The following OPA3 variants were observed in gnomAD, a reference collection of about 807,000 sequenced individuals.
OPA3 encodes the protein optic atrophy 3 protein.
In OPA3, 6 loss-of-function variants were observed where a neutral mutation model predicts 4.0. The observed-to-expected ratio is 1.51, with a 90% CI of 0.83 to 2.99. OPA3 has a LOEUF of 2.99. OPA3 is among the 30% of genes most tolerant of loss of function. The pLI, the probability that OPA3 is intolerant of heterozygous loss-of-function variation, is 0.00. For missense variants in OPA3, 235 were observed against 256.2 expected, an observed-to-expected ratio of 0.92 and a Z score of 0.56; for synonymous variants, 105 against 117.1, an observed-to-expected ratio of 0.90 and a Z score of 0.67.
chr19:45,529,374 T>C, exon 2 of OPA3: 1 of 1,614,204 alleles, frequency 6.2e-7, no homozygotes, highest in Non-Finnish European at 8.5e-7. Flanking sequence ...GCTCGGCGGC[T>C]GCACCCTCGT....
chr19:45,550,589 C>A lies in OPA3; in HGVS notation c.*2925G>T. The A allele has an allele frequency of 1.0e-6, 1 of 986,180 alleles. No homozygotes were observed. The highest frequency in any genetic ancestry group is 1.2e-6 in the Non-Finnish European group (1 of 830,500). 61.1% of individuals were successfully genotyped at this position (986,180 alleles called of 1,614,324 possible). On this transcript the variant is annotated 3_prime_UTR_variant, in exon 2 of 2. Coordinates refer to ENST00000263275, the MANE Select transcript of OPA3 (RefSeq NM_025136.4). ...ACTTCACCACCCTGGGCAGTCAGCCCCTCACTGGCTGTGGCATCTCTGGCA... is the reference window on the plus strand; with the variant it reads ...ACTTCACCACCCTGGGCAGTCAGCCACTCACTGGCTGTGGCATCTCTGGCA...
chr19:45,535,638 C>A (rs559511266), intron 1 of OPA3, among the ~76,000 whole-genome samples: 1 of 152,204 alleles, frequency 6.6e-6, no homozygotes, highest in East Asian at 1.9e-4. Flanking sequence ...GGATTACAGG[C>A]ATGAACCGCC....
downstream of OPA3, among the ~76,000 whole-genome samples, chr19:45,545,084 G>A (rs945685832): frequency 2.0e-5 from 3 of 146,360 alleles, no homozygotes; most frequent in African/African-American, 7.5e-5. Context: ...AGAATCACTT[G>A]AACCCGGGAG....
chr19:45,574,430 T>A (rs1475731803), intron 1 of OPA3, among the ~76,000 whole-genome samples: 2 of 148,688 alleles, frequency 1.3e-5, no homozygotes, highest in African/African-American at 2.5e-5. Flanking sequence ...AAAAAACGGA[T>A]TCCATGTATA....
At chr19:45,534,281 G>T (rs1429615883) in intron 1 of OPA3, among the ~76,000 whole-genome samples, 1 of 152,102 alleles carries the variant, frequency 6.6e-6, no homozygotes, top group Non-Finnish European at 1.5e-5. Context: ...AGCAATAGAG[G>T]CCAGGCGCTG....
chr19:45,531,522 G>C (rs896984917), intron 1 of OPA3, among the ~76,000 whole-genome samples: 10 of 152,120 alleles, frequency 6.6e-5, no homozygotes, highest in African/African-American at 2.2e-4. Flanking sequence ...CCTTCATACT[G>C]CTCCTCCTCT....
chr19:45,580,893 G>C (rs917022169), intron 1 of OPA3, among the ~76,000 whole-genome samples: 27 of 152,160 alleles, frequency 1.8e-4, no homozygotes, highest in African/African-American at 6.5e-4. Context: ...TGGGATTACA[G>C]GCATGAGCCA....
intron 1 of OPA3, among the ~76,000 whole-genome samples, chr19:45,560,774 G>A (rs951806029): frequency 3.3e-5 from 5 of 152,046 alleles, no homozygotes; most frequent in South Asian, 2.1e-4. Context: ...TCTCAGCCCC[G>A]GAGCTCCAGG....
chr19:45,578,448 A>G (rs1022002187), intron 1 of OPA3, among the ~76,000 whole-genome samples: 12 of 146,622 alleles, frequency 8.2e-5, no homozygotes, highest in South Asian at 6.5e-4. Context: ...AGCACAAGAC[A>G]TCTCTGAATT....
intron 1 of OPA3, among the ~76,000 whole-genome samples, chr19:45,566,703 T>G (rs1322318628): frequency 1.3e-5 from 2 of 151,946 alleles, no homozygotes; most frequent in Non-Finnish European, 2.9e-5. Context: ...CTCAATCTCC[T>G]GACCTTGTGA....
chr19:45,558,316 G>A (rs554855628), intron 1 of OPA3, among the ~76,000 whole-genome samples: 1 of 152,100 alleles, frequency 6.6e-6, no homozygotes, highest in Admixed American at 6.6e-5. Flanking sequence ...TGGGCAACAA[G>A]AGCAAGACTG....
intron 1 of OPA3, among the ~76,000 whole-genome samples, chr19:45,567,406 G>A (rs62109651): frequency 0.3 from 44,732 of 150,078 alleles, 7,051 homozygotes; most frequent in Middle Eastern, 0.39. Context: ...AAGTATCTCA[G>A]AAGTATCAAA....
chr19:45,553,270 G>A lies in OPA3; in HGVS notation c.*244C>T, dbSNP rs542553691. On this transcript the variant is annotated 3_prime_UTR_variant, in exon 2 of 2. Transcript: ENST00000263275. ...TGTCCTGCTGGCTGGGACCTTGCAG[G>A]TCGTCCTGGTTTGGAGTGGGGGATA... 2.8e-6 allele frequency: 4 copies of A among 1,424,228 alleles called. No homozygotes were observed. The highest frequency in any genetic ancestry group is 3.7e-6 in the Non-Finnish European group (4 of 1,092,508). 88.2% of individuals were successfully genotyped at this position (1,424,228 alleles called of 1,614,324 possible).
chr19:45,562,994 G>A (rs1018371236), intron 1 of OPA3, among the ~76,000 whole-genome samples: 79 of 152,126 alleles, frequency 5.2e-4, no homozygotes, highest in African/African-American at 1.1e-3. Flanking sequence ...CAGGTGGCTC[G>A]ACTGTGAGGA....
intron 1 of OPA3, among the ~76,000 whole-genome samples, chr19:45,578,161 C>T (rs1052294722): frequency 3.3e-5 from 5 of 152,178 alleles, no homozygotes; most frequent in African/African-American, 1.2e-4. Context: ...AACATGGTAA[C>T]AGCCCTTTCC....
intron 1 of OPA3, among the ~76,000 whole-genome samples, chr19:45,539,217 T>G (rs916514295): frequency 6.6e-5 from 10 of 152,108 alleles, no homozygotes; most frequent in Non-Finnish European, 1.3e-4. Flanking sequence ...CTATATCAGT[T>G]GTAGGGTAAC....
At chr19:45,562,945 A>T (rs1969527300) in intron 1 of OPA3, among the ~76,000 whole-genome samples, 1 of 152,164 alleles carries the variant, frequency 6.6e-6, no homozygotes, top group Admixed American at 6.6e-5. Flanking sequence ...TGGGTCTAAA[A>T]TTAGTTCAAA....
At chr19:45,572,400 G>A (rs914940758) in intron 1 of OPA3, among the ~76,000 whole-genome samples, 29 of 124,126 alleles carry the variant, frequency 2.3e-4, no homozygotes, top group African/African-American at 6.7e-4. Flanking sequence ...ATCAACATAT[G>A]AGATTATCGA....
At position 45,550,565 on chromosome 19, in the gene OPA3, C is replaced by A; in HGVS notation, c.*2949G>T. 1 of 986,354 alleles carries A rather than the reference C, an allele frequency of 1.0e-6. No homozygotes were observed. Among genetic ancestry groups the A allele is most frequent in the Non-Finnish European group, 1.2e-6 (1 of 830,618 alleles). 61.1% of individuals were successfully genotyped at this position (986,354 alleles called of 1,614,324 possible). A position where few individuals can be genotyped will look rare whatever the true frequency, so the allele number is the denominator to read the frequency against. On this transcript the variant is annotated 3_prime_UTR_variant, in exon 2 of 2. Coordinates refer to ENST00000263275, the MANE Select transcript of OPA3 (RefSeq NM_025136.4). ...CAAGCCTCTCACTCTGCCCCTACTA[C>A]TTCACCACCCTGGGCAGTCAGCCCC...
Sources: allele counts gnomAD v4.1 joint callset (sites outside exome capture counted in the v4.1 genomes callset), GRCh38; gene constraint gnomAD v4.1.1; transcripts MANE v1.5; gene names NCBI Gene and HGNC (gene_info 2026-07-23, HGNC 2026-07-21).